Variants in MDGA2 observed in about 807,000 individuals in gnomAD.
MDGA2 encodes MAM domain-containing glycosylphosphatidylinositol anchor protein 2.
In MDGA2, 40 loss-of-function variants were observed where a neutral mutation model predicts 117.8. That is an observed-to-expected ratio of 0.34 (90% CI 0.26 to 0.44). The LOEUF (loss-of-function observed/expected upper bound fraction) is 0.44. Among genes scored for constraint, MDGA2 ranks in the 20% least tolerant of loss-of-function variants. The pLI, the probability that MDGA2 is intolerant of heterozygous loss-of-function variation, is 1.00. For missense variants in MDGA2, 1,123 were observed against 1,250.6 expected (o/e 0.90, Z 1.54); for synonymous variants, 452 against 439.0 (o/e 1.03, Z -0.37).
intron 10 of MDGA2, among the ~76,000 whole-genome samples, chr14:46,915,364 A>G (rs908911187): frequency 1.4e-4 from 22 of 152,276 alleles, no homozygotes; most frequent in Non-Finnish European, 2.5e-4. Flanking sequence ...GAGGTGATGG[A>G]TACCCTAAAT....
intron 1 of MDGA2, among the ~76,000 whole-genome samples, chr14:47,465,546 A>G (rs1893585364): frequency 6.6e-6 from 1 of 152,230 alleles, no homozygotes; most frequent in African/African-American, 2.4e-5. Flanking sequence ...TTTCAAAAGA[A>G]GACATACATG....
intron 7 of MDGA2, among the ~76,000 whole-genome samples, chr14:47,059,555 A>G (rs917337897): frequency 6.6e-6 from 1 of 152,094 alleles, no homozygotes; most frequent in Non-Finnish European, 1.5e-5. Flanking sequence ...CAATATAACT[A>G]GTATGTTTAA....
At chr14:47,602,742 G>GA (rs762380084) in intron 1 of MDGA2, among the ~76,000 whole-genome samples, 4 of 152,168 alleles carry the variant, frequency 2.6e-5, no homozygotes, top group Non-Finnish European at 5.9e-5. Flanking sequence ...AGACAAAAGA[G>GA]AGAGCTTGGT....
chr14:47,227,620 C>T (rs560425589), intron 2 of MDGA2, among the ~76,000 whole-genome samples: 1 of 152,062 alleles, frequency 6.6e-6, no homozygotes, highest in South Asian at 2.1e-4. Flanking sequence ...CTTGGTATCT[C>T]CAGCCCAAAT....
intron 2 of MDGA2, among the ~76,000 whole-genome samples, chr14:47,229,237 T>G (rs541781012): frequency 1.3e-5 from 2 of 152,160 alleles, no homozygotes; most frequent in African/African-American, 4.8e-5. Flanking sequence ...CTTATCTTTC[T>G]AGCTTTTCTT....
intron 1 of MDGA2, among the ~76,000 whole-genome samples, chr14:47,447,833 T>C (rs936017480): frequency 2.6e-5 from 4 of 152,170 alleles, no homozygotes; most frequent in South Asian, 2.1e-4. Flanking sequence ...CAGGCAGAAA[T>C]AAAATATCAG....
intron 1 of MDGA2, among the ~76,000 whole-genome samples, chr14:47,403,940 T>A (rs1892207497): frequency 6.6e-6 from 1 of 152,066 alleles, no homozygotes; most frequent in South Asian, 2.1e-4. Flanking sequence ...TGCTAAGGCC[T>A]CCCTGATAGA....
At position 47,050,452 on chromosome 14, in the gene MDGA2, T is replaced by C. The variant is rs1889417669; in HGVS notation, c.1525+10797A>G. Among the ~76,000 whole-genome samples, 5 of 152,048 alleles carry C rather than the reference T, an allele frequency of 3.3e-5. No homozygotes were observed. In the South Asian group the frequency reaches 1.0e-3, roughly 31 times the overall value. ...ATGGCAACACTTTGTATCTTAAATT[T>C]GGTGTTGACATGGGTGTTCACAAAA... On this transcript the variant is annotated intron_variant, in intron 7 of 16. Transcript: ENST00000399232.
intron 2 of MDGA2, among the ~76,000 whole-genome samples, chr14:47,281,364 T>A (rs116981106): frequency 6.6e-6 from 1 of 152,190 alleles, no homozygotes; most frequent in East Asian, 1.9e-4. Context: ...TTAGTGATTA[T>A]ATTTTGATGC....
At chr14:47,029,233 T>A (rs1229259515) in intron 8 of MDGA2, among the ~76,000 whole-genome samples, 2 of 152,160 alleles carry the variant, frequency 1.3e-5, no homozygotes, top group African/African-American at 4.8e-5. Context: ...TTAGATTTCT[T>A]GAGAAAAAGC....
At chr14:47,210,324 G>T (rs987064225) in intron 3 of MDGA2, among the ~76,000 whole-genome samples, 1 of 152,150 alleles carries the variant, frequency 6.6e-6, no homozygotes, top group Non-Finnish European at 1.5e-5. Flanking sequence ...TGTGTGAACA[G>T]TGTCTGTACA....
intron 14 of MDGA2, among the ~76,000 whole-genome samples, chr14:46,867,548 TA>T (rs1389453933): frequency 1.3e-5 from 2 of 151,898 alleles, no homozygotes; most frequent in African/African-American, 4.8e-5. Context: ...ATAATAATAA[TA>T]AAAAAAGAGA....
At chr14:47,435,561 T>C (rs1163449666) in intron 1 of MDGA2, among the ~76,000 whole-genome samples, 2 of 152,150 alleles carry the variant, frequency 1.3e-5, no homozygotes, top group Non-Finnish European at 2.9e-5. Context: ...GGCTTAGCAC[T>C]GTCTAGGACC....
rs180709237 is a variant in MDGA2 at position 47,650,701 on chromosome 14, T to C, written c.280+23816A>G. On this transcript the variant is annotated intron_variant, in intron 1 of 16. Transcript: ENST00000399232. The stretch of plus-strand genomic sequence containing the variant: ...GGAATAAGCAGGTTGGAAAAATGCA[T>C]AAATGAATGAATTAACACAAATTAT... Among the ~76,000 whole-genome samples, 3 of 152,278 alleles carry C rather than the reference T, an allele frequency of 2.0e-5. No homozygotes were observed. The East Asian group carries it at 5.8e-4, about 29-fold the overall frequency.
chr14:47,119,871 C>T (rs566566412), intron 5 of MDGA2, among the ~76,000 whole-genome samples: 44 of 152,174 alleles, frequency 2.9e-4, no homozygotes, highest in African/African-American at 1.1e-3. Context: ...CTAATATTTT[C>T]TCTCTTCACT....
rs1260230986 is a variant in MDGA2 at position 47,061,282 on chromosome 14, T to C, written c.1492A>G (p.Ile498Val). ...ASLKGGGISD[I>V]SIDVNISSST... ...CTGGATATATTAACATCGATACTGA[T>C]ATCAGATATTCCTCCTCCCTTCAGA... Residue 498 changes from isoleucine to valine, a missense_variant, in exon 7 of 17, where the codon ATC becomes GTC. Around this residue, in one of 2 missense-constraint regions of MDGA2, gnomAD observed 890 missense variants for 1,050.3 expected, o/e 0.85. Transcript: ENST00000399232. The C allele has an allele frequency of 1.9e-6, 3 of 1,613,322 alleles. No individual in the cohort carries two copies. The highest frequency in any genetic ancestry group is 1.1e-5 in the South Asian group (1 of 91,070).
chr14:47,306,430 G>A (rs1053146899), intron 1 of MDGA2, among the ~76,000 whole-genome samples: 2 of 152,142 alleles, frequency 1.3e-5, no homozygotes, highest in African/African-American at 4.8e-5. Flanking sequence ...TGTTTCTGAT[G>A]AAGAAACTTT....
intron 8 of MDGA2, among the ~76,000 whole-genome samples, chr14:47,024,332 AT>A (rs1888397442): frequency 6.6e-6 from 1 of 152,202 alleles, no homozygotes; most frequent in South Asian, 2.1e-4. Flanking sequence ...CAAGGCAATT[AT>A]GTTGTGTTTA....
chr14:47,129,301 C>T (rs1882073417), intron 5 of MDGA2, among the ~76,000 whole-genome samples: 1 of 148,476 alleles, frequency 6.7e-6, no homozygotes, highest in Non-Finnish European at 1.5e-5. Context: ...TCCATGTGAT[C>T]TCATTGTTCA....
Sources: allele counts gnomAD v4.1 joint callset (sites outside exome capture counted in the v4.1 genomes callset), GRCh38; gene constraint gnomAD v4.1.1; regional missense constraint gnomAD v4.1.1; transcripts MANE v1.5; gene names NCBI Gene and HGNC (gene_info 2026-07-23, HGNC 2026-07-21).